The following CDYL variants were observed in gnomAD, a reference collection of about 807,000 sequenced individuals.
CDYL encodes the protein chromodomain Y like.
In CDYL, 8 loss-of-function variants were observed where a neutral mutation model predicts 47.3. The ratio of observed to expected loss-of-function variants is 0.17; its 90% CI spans 0.10 to 0.31. The LOEUF is 0.31. Among genes scored for constraint, CDYL ranks in the 10% least tolerant of loss-of-function variants. CDYL has a pLI of 1.00. For missense variants in CDYL, 471 were observed against 701.4 expected (o/e 0.67, Z 3.71); for synonymous variants, 266 against 265.0 (o/e 1.00, Z -0.04).
Position 4,871,662 on chromosome 6 carries a change from G to A in CDYL, c.25-20051G>A, listed in dbSNP as rs74622059. ...AATATTGACTGTGCATCTGTGATTC[G>A]CTCTAGTGGGTTGGGATTTTTTGTA... is the stretch of plus-strand genomic sequence containing the variant. On this transcript the variant is annotated intron_variant, in intron 1 of 6. Transcript: ENST00000397588. 6.5e-3 allele frequency among the ~76,000 whole-genome samples: 986 copies of A among 152,176 alleles called. 14 individuals are homozygous for A. The highest frequency in any genetic ancestry group is 0.021 in the African/African-American group (867 of 41,488).
At chr6:4,746,415 AG>A (rs1226092191) in intron 3 of CDYL, among the ~76,000 whole-genome samples, 1 of 152,044 alleles carries the variant, frequency 6.6e-6, no homozygotes, top group East Asian at 1.9e-4. Flanking sequence ...ATGGTTTGAA[AG>A]ATGACTTCAA....
At chr6:4,816,796 T>G (rs1759690622) in intron 1 of CDYL, among the ~76,000 whole-genome samples, 1 of 152,148 alleles carries the variant, frequency 6.6e-6, no homozygotes, top group Admixed American at 6.5e-5. Flanking sequence ...GCCTATATTT[T>G]GATTTCATAG....
chr6:4,862,810 A>G (rs928816204), intron 1 of CDYL, among the ~76,000 whole-genome samples: 3 of 152,224 alleles, frequency 2.0e-5, no homozygotes, highest in African/African-American at 7.2e-5. Flanking sequence ...TCAAAGAACT[A>G]AAATTAGAAC....
chr6:4,903,351 A>G (rs1287550162), intron 2 of CDYL, among the ~76,000 whole-genome samples: 1 of 152,138 alleles, frequency 6.6e-6, no homozygotes, highest in Non-Finnish European at 1.5e-5. Context: ...GAACCAAGAC[A>G]TTTCGTCCTA....
At chr6:4,834,298 G>A (rs1382261018) in intron 1 of CDYL, among the ~76,000 whole-genome samples, 3 of 151,242 alleles carry the variant, frequency 2.0e-5, no homozygotes, top group Non-Finnish European at 3.0e-5. Context: ...GCATTTGCTT[G>A]TCTGTAAAGT....
chr6:4,804,707 G>C (rs552075382), intron 1 of CDYL, among the ~76,000 whole-genome samples: 2 of 152,330 alleles, frequency 1.3e-5, no homozygotes, highest in East Asian at 3.9e-4. Flanking sequence ...GGAACTGTCT[G>C]CACGTCCGTC....
intron 1 of CDYL, among the ~76,000 whole-genome samples, chr6:4,842,075 AT>A (rs1211176795): frequency 7.0e-6 from 1 of 143,652 alleles, no homozygotes; most frequent in African/African-American, 2.5e-5. Context: ...TTATTTATAT[AT>A]AATTATATAT....
chr6:4,871,385 G>A (rs1761468548), intron 1 of CDYL, among the ~76,000 whole-genome samples: 1 of 152,110 alleles, frequency 6.6e-6, no homozygotes, highest in Non-Finnish European at 1.5e-5. Context: ...AAAAAGTTTT[G>A]GATTTTAGAG....
chr6:4,713,094 G>A (rs768887499), intron 1 of CDYL, among the ~76,000 whole-genome samples: 17 of 152,318 alleles, frequency 1.1e-4, no homozygotes, highest in Non-Finnish European at 1.9e-4. Flanking sequence ...GCAGTGAGCC[G>A]TGACCACATG....
intron 2 of CDYL, among the ~76,000 whole-genome samples, chr6:4,925,409 C>CTTTTTTTTTTTT (rs58457972): frequency 2.7e-5 from 3 of 109,246 alleles, no homozygotes; most frequent in African/African-American, 3.5e-5. Flanking sequence ...ATTCTTTTTT[C>CTTTTTTTTTTTT]TTTTTTTTTT....
At chr6:4,753,307 C>T (rs1428604663) in intron 3 of CDYL, among the ~76,000 whole-genome samples, 1 of 152,158 alleles carries the variant, frequency 6.6e-6, no homozygotes, top group Non-Finnish European at 1.5e-5. Flanking sequence ...CTTAGAGGTG[C>T]TCACCCACCT....
rs776176094 is a variant in CDYL at position 4,935,519 on chromosome 6, A to C, written c.696A>C (p.Thr232=). The C allele has an allele frequency of 6.2e-7, 1 of 1,614,046 alleles. No individual in the cohort carries two copies. Among genetic ancestry groups the C allele is most frequent in the Non-Finnish European group, 8.5e-7 (1 of 1,179,874 alleles). Residue 232 remains threonine, a synonymous_variant, in exon 3 of 7, where the codon ACA becomes ACC. Transcript: ENST00000397588. ...ATGLAVNGKG[T]SPFMDALTAN... ...GTGATTTCAAACTCTCGGCAGGTAC[A>C]TCTCCGTTCATGGATGCATTAACAG...
chr6:4,708,971 C>T (rs890813343), intron 1 of CDYL, among the ~76,000 whole-genome samples: 1 of 152,028 alleles, frequency 6.6e-6, no homozygotes, highest in Non-Finnish European at 1.5e-5. Flanking sequence ...CATGTCACTG[C>T]ACTCCAGCCT....
chr6:4,871,358 G>A (rs1761467093), intron 1 of CDYL, among the ~76,000 whole-genome samples: 1 of 152,150 alleles, frequency 6.6e-6, no homozygotes, highest in African/African-American at 2.4e-5. Context: ...ATTTTAGGCA[G>A]GTTTCAAGGC....
chr6:4,745,696 C>T (rs1325648713), intron 3 of CDYL, among the ~76,000 whole-genome samples: 1 of 152,202 alleles, frequency 6.6e-6, no homozygotes, highest in Non-Finnish European at 1.5e-5. Flanking sequence ...ACTTGCAGAA[C>T]AGGGCGTCCA....
At chr6:4,851,030 A>T (rs996662131) in intron 1 of CDYL, among the ~76,000 whole-genome samples, 1 of 152,142 alleles carries the variant, frequency 6.6e-6, no homozygotes, top group African/African-American at 2.4e-5. Context: ...ACTGACTAGT[A>T]TTTGTGATTT....
At chr6:4,942,117 A>G (rs535591641) in intron 4 of CDYL, among the ~76,000 whole-genome samples, 6 of 152,352 alleles carry the variant, frequency 3.9e-5, no homozygotes, top group African/African-American at 1.4e-4. Flanking sequence ...ATTAAACCCC[A>G]GTGTGATCTT....
intron 1 of CDYL, among the ~76,000 whole-genome samples, chr6:4,886,244 G>A (rs1220555287): frequency 6.6e-6 from 1 of 152,168 alleles, no homozygotes; most frequent in Non-Finnish European, 1.5e-5. Flanking sequence ...TTTTCTTTCT[G>A]TTGGGTAGAT....
At chr6:4,752,110 C>A (rs900064432) in intron 3 of CDYL, among the ~76,000 whole-genome samples, 6 of 152,214 alleles carry the variant, frequency 3.9e-5, no homozygotes, top group African/African-American at 1.4e-4. Flanking sequence ...GCAATTAGCA[C>A]AGGGACAGCA....
Sources: gnomAD v4.1 joint callset for allele counts (sites outside exome capture counted in the v4.1 genomes callset) on GRCh38, gnomAD v4.1.1 for gene constraint, MANE v1.5 for transcripts, NCBI Gene and HGNC (gene_info 2026-07-23, HGNC 2026-07-21) for gene names.